GALNTL6: variants seen among roughly 807,000 people sequenced by gnomAD.
The protein encoded by GALNTL6 is polypeptide N-acetylgalactosaminyltransferase like 6, also known as polypeptide N-acetylgalactosaminyltransferase-like 6.
Under a neutral mutation model 73.7 loss-of-function variants are expected in GALNTL6, and 46 were observed. That is an observed-to-expected ratio of 0.62 (90% confidence interval 0.49 to 0.80). The LOEUF (loss-of-function observed/expected upper bound fraction) is 0.80, where lower values mean the gene tolerates loss of function less well. Among genes scored for constraint, GALNTL6 ranks in the 30% least tolerant of loss-of-function variants. The pLI, the probability that GALNTL6 is intolerant of heterozygous loss-of-function variation, is 0.00. For synonymous variants in GALNTL6, 259 were observed against 263.7 expected (o/e 0.98, Z 0.17); for missense variants, 604 against 755.0 (o/e 0.80, Z 2.34).
At chr4:171,932,016 A>G (rs1042340140) in intron 2 of GALNTL6, among the ~76,000 whole-genome samples, 4 of 152,194 alleles carry the variant, frequency 2.6e-5, no homozygotes, top group Non-Finnish European at 5.9e-5. Flanking sequence ...TTATAGTAAT[A>G]TATTATAGAG....
At chr4:172,971,500 G>A (rs1377000292) in intron 10 of GALNTL6, among the ~76,000 whole-genome samples, 1 of 152,160 alleles carries the variant, frequency 6.6e-6, no homozygotes, top group East Asian at 1.9e-4. Flanking sequence ...ATCTGACAAT[G>A]TAGAAATAAT....
At chr4:172,338,329 G>C (rs941158454) in intron 4 of GALNTL6, among the ~76,000 whole-genome samples, 3 of 151,834 alleles carry the variant, frequency 2.0e-5, no homozygotes, top group African/African-American at 7.3e-5. Flanking sequence ...ACAATGTTCA[G>C]ATTTTTTTTT....
At chr4:171,960,984 T>A (rs557904369) in intron 2 of GALNTL6, among the ~76,000 whole-genome samples, 9 of 152,202 alleles carry the variant, frequency 5.9e-5, no homozygotes, top group African/African-American at 2.2e-4. Flanking sequence ...TTCACATTAC[T>A]CTGTGGACTC....
chr4:172,918,846 C>T (rs926337573), intron 8 of GALNTL6, among the ~76,000 whole-genome samples: 1 of 152,290 alleles, frequency 6.6e-6, no homozygotes, highest in East Asian at 1.9e-4. Context: ...AACTGAAGCT[C>T]GGTTCACTGT....
chr4:171,981,362 T>C (rs974096071), intron 2 of GALNTL6, among the ~76,000 whole-genome samples: 2 of 152,174 alleles, frequency 1.3e-5, no homozygotes, highest in African/African-American at 4.8e-5. Flanking sequence ...TGTGCATTTG[T>C]CTCAGGTGAG....
At chr4:172,377,020 T>C (rs1743056903) in intron 5 of GALNTL6, among the ~76,000 whole-genome samples, 1 of 152,062 alleles carries the variant, frequency 6.6e-6, no homozygotes, top group South Asian at 2.1e-4. Flanking sequence ...GCAAGATTTA[T>C]TGTGAAGAGC....
Position 172,673,521 on chromosome 4 carries a change from A to G in GALNTL6, c.554-135840A>G, listed in dbSNP as rs113132990. On this transcript the variant is annotated intron_variant, in intron 5 of 12. Coordinates refer to ENST00000506823, the MANE Select transcript of GALNTL6 (RefSeq NM_001034845.3). ...CCAGTGCTGAGTTCAGGTCCTAAAC[A>G]TATTTGTTAGCTTTCTGTCTTGATG... Among the ~76,000 whole-genome samples the G allele has an allele frequency of 5.9e-5, 9 of 152,162 alleles. No individual in the cohort carries two copies. The South Asian group carries it at 1.2e-3, about 21-fold the overall frequency.
At chr4:172,901,505 A>AGTT (rs1746628625) in intron 8 of GALNTL6, among the ~76,000 whole-genome samples, 1 of 152,132 alleles carries the variant, frequency 6.6e-6, no homozygotes, top group African/African-American at 2.4e-5. Flanking sequence ...GATAACTGAG[A>AGTT]GTTTACTAGC....
intron 5 of GALNTL6, among the ~76,000 whole-genome samples, chr4:172,382,574 C>T (rs1743322621): frequency 6.6e-6 from 1 of 151,866 alleles, no homozygotes; most frequent in Non-Finnish European, 1.5e-5. Context: ...CTTTATGTGT[C>T]CTTTGATACA....
intron 5 of GALNTL6, among the ~76,000 whole-genome samples, chr4:172,448,781 C>T (rs1275964865): frequency 6.6e-6 from 1 of 152,058 alleles, no homozygotes; most frequent in Admixed American, 6.6e-5. Flanking sequence ...ATTATGCAGG[C>T]CCTTCTGGAA....
At chr4:171,973,930 T>G (rs538625096) in intron 2 of GALNTL6, among the ~76,000 whole-genome samples, 95 of 152,318 alleles carry the variant, frequency 6.2e-4, no homozygotes, top group African/African-American at 2.3e-3. Flanking sequence ...ATTAGCAAAT[T>G]CTGTTTTAGA....
chr4:172,120,238 C>T (rs1560930922), intron 2 of GALNTL6, among the ~76,000 whole-genome samples: 1 of 152,136 alleles, frequency 6.6e-6, no homozygotes, highest in Non-Finnish European at 1.5e-5. Flanking sequence ...CTGTAACAAA[C>T]TATCACAAAC....
chr4:172,199,609 C>G (rs1735892028), intron 2 of GALNTL6, among the ~76,000 whole-genome samples: 1 of 152,134 alleles, frequency 6.6e-6, no homozygotes, highest in Admixed American at 6.5e-5. Context: ...AATCAAACAT[C>G]AGTGGAATAT....
chr4:172,582,747 GAC>G (rs35246163), intron 5 of GALNTL6, among the ~76,000 whole-genome samples: 48,196 of 142,406 alleles, frequency 0.34, 9,053 homozygotes, highest in African/African-American at 0.55. Context: ...CACACACACA[GAC>G]ACACACACAC....
At chr4:173,008,473 A>G (rs371360011) in intron 10 of GALNTL6, among the ~76,000 whole-genome samples, 1 of 152,322 alleles carries the variant, frequency 6.6e-6, no homozygotes, top group African/African-American at 2.4e-5. Context: ...ACCATGTTTT[A>G]ACCATAATAG....
chr4:172,766,758 C>T (rs934980995), intron 5 of GALNTL6, among the ~76,000 whole-genome samples: 1 of 152,168 alleles, frequency 6.6e-6, no homozygotes, highest in African/African-American at 2.4e-5. Context: ...AGGATAAATG[C>T]TTTTCATCCA....
intron 2 of GALNTL6, among the ~76,000 whole-genome samples, chr4:171,960,637 A>G (rs1279561623): frequency 6.6e-6 from 1 of 150,728 alleles, no homozygotes; most frequent in African/African-American, 2.5e-5. Context: ...AACAAATAAA[A>G]TGTATATATA....
At chr4:172,971,886 A>C (rs906336861) in intron 10 of GALNTL6, among the ~76,000 whole-genome samples, 22 of 152,308 alleles carry the variant, frequency 1.4e-4, no homozygotes, top group African/African-American at 4.8e-4. Context: ...AATCCACAGA[A>C]AGAAAAAGAT....
intron 2 of GALNTL6, among the ~76,000 whole-genome samples, chr4:171,957,653 T>G (rs944650635): frequency 1.2e-4 from 18 of 152,216 alleles, no homozygotes; most frequent in Admixed American, 1.3e-4. Context: ...GAATTCTAAC[T>G]CTTTAATTTA....
Sources: gnomAD v4.1 joint callset for allele counts (sites outside exome capture counted in the v4.1 genomes callset) on GRCh38, gnomAD v4.1.1 for gene constraint, MANE v1.5 for transcripts, NCBI Gene and HGNC (gene_info 2026-07-23, HGNC 2026-07-21) for gene names.